CSGALNACT2: variants seen among roughly 807,000 people sequenced by gnomAD.
The protein encoded by CSGALNACT2 is chondroitin sulfate N-acetylgalactosaminyltransferase 2, also known as beta 4 GalNAcT-2.
A neutral mutation model predicts 55.3 loss-of-function variants in CSGALNACT2; 35 were observed. The ratio of observed to expected loss-of-function variants is 0.63; its 90% CI spans 0.48 to 0.84. The LOEUF is 0.84. Ranked by LOEUF, CSGALNACT2 falls within the 40% of genes least tolerant of loss-of-function variation. The pLI, the probability that CSGALNACT2 is intolerant of heterozygous loss-of-function variation, is 0.00. For synonymous variants in CSGALNACT2, 196 were observed against 224.9 expected (o/e 0.87, Z 1.15); for missense variants, 544 against 657.5 (o/e 0.83, Z 1.89).
In CSGALNACT2 at chr10:43,147,062, G is replaced by A. The variant is rs1434316691; in HGVS notation, c.-253-7835G>A. ...GGGATCTCGGCTCACTGCAAGCTCC[G>A]CCTCCCGGGTTCACGCCATTCTCCT... On this transcript the variant is annotated intron_variant, in intron 1 of 7. Transcript: ENST00000374466. Among the ~76,000 whole-genome samples, 7 of 119,096 alleles carry A rather than the reference G, an allele frequency of 5.9e-5. No individual in the cohort carries two copies. The East Asian group carries it at 1.2e-3, about 21-fold the overall frequency. The allele number at this position is 119,096 out of a possible 152,430, so 78.1% of individuals were successfully genotyped here.
At chr10:43,163,058 C>G (rs11238460) in intron 4 of CSGALNACT2, 2 of 985,178 alleles carry the variant, frequency 2.0e-6, no homozygotes, top group Admixed American at 6.1e-5. Flanking sequence ...TCTGATTTGT[C>G]TGATCCCTTT....
chr10:43,160,319 G>A (rs1046070492), intron 3 of CSGALNACT2, among the ~76,000 whole-genome samples, 175 bp from the exon 4 acceptor site: 3 of 152,208 alleles, frequency 2.0e-5, no homozygotes, highest in African/African-American at 7.2e-5. Flanking sequence ...TCCAAGGGGT[G>A]CACTCATTCA....
At chr10:43,162,201 T>C (rs759090588) in intron 4 of CSGALNACT2, 7 of 519,294 alleles carry the variant, frequency 1.3e-5, no homozygotes, top group Non-Finnish European at 2.3e-5. Flanking sequence ...CTGTTGCAGA[T>C]TGGCTTCTTC....
chr10:43,155,634 G>C lies in CSGALNACT2; in HGVS notation c.485G>C (p.Gly162Ala). ...TLMKVFQLEMGLTRHPEEKPV... is the reference protein window; with the variant it reads ...TLMKVFQLEMALTRHPEEKPV... ...ATGAAAGTATTTCAATTGGAAATGG[G>C]TCTCACTCGCCATCCTGAAGAAAAG... Residue 162 changes from glycine to alanine, a missense_variant, in exon 2 of 8, where the codon GGT (glycine) becomes GCT (alanine). By Grantham distance (60) the Gly-to-Ala change is moderately conservative (BLOSUM62 0). Around this residue, in one of 2 missense-constraint regions of CSGALNACT2, gnomAD observed 374 missense variants for 401.3 expected, o/e 0.93. Transcript: ENST00000374466. The C allele has an allele frequency of 1.2e-6, 2 of 1,614,164 alleles. No homozygotes were observed. The highest frequency in any genetic ancestry group is 1.7e-6 in the Non-Finnish European group (2 of 1,180,036).
Position 43,155,579 on chromosome 10 carries a change from G to C in CSGALNACT2, c.430G>C (p.Gly144Arg). 6.2e-7 allele frequency: 1 copy of C among 1,614,192 alleles called. No individual in the cohort carries two copies. The highest frequency in any genetic ancestry group is 8.5e-7 in the Non-Finnish European group (1 of 1,180,030). ...SIGAKLPSEY[G>R]VIPFESFTLM... is the part of the protein sequence containing the mutation. ...AGGGGCCAAACTACCCAGTGAGTAT[G>C]GGGTCATTCCCTTTGAAAGTTTTAC... is the stretch of plus-strand genomic sequence containing the variant. The change falls in exon 2 of 8, where the codon GGG becomes CGG. Residue 144 changes from glycine to arginine, a missense_variant. Gly to Arg is a moderately radical substitution (Grantham distance 125). Coordinates refer to ENST00000374466, the MANE Select transcript of CSGALNACT2 (RefSeq NM_018590.5).
chr10:43,157,917 T>C (rs1002573774), intron 2 of CSGALNACT2, among the ~76,000 whole-genome samples: 4 of 151,004 alleles, frequency 2.6e-5, no homozygotes, highest in Non-Finnish European at 4.4e-5. Context: ...TAGTCCCAGC[T>C]ACTTGGGAGG....
At chr10:43,174,287 A>G (rs138386283) in intron 6 of CSGALNACT2, among the ~76,000 whole-genome samples, 1 of 152,120 alleles carries the variant, frequency 6.6e-6, no homozygotes, top group Non-Finnish European at 1.5e-5. Flanking sequence ...TGCCTGGTTC[A>G]TTATGTGTTT....
Position 43,158,687 on chromosome 10 carries a change from C to T in CSGALNACT2, c.662-28C>T, listed in dbSNP as rs559512700. Reference sequence around the variant, plus strand: ...GAATTTGTAAACTTTGACATGGAGACGTCTTTGTTCCTAACTCTTTCCTTT... The same window carrying T: ...GAATTTGTAAACTTTGACATGGAGATGTCTTTGTTCCTAACTCTTTCCTTT... On this transcript the variant is annotated intron_variant, in intron 2 of 7. Coordinates refer to ENST00000374466, the MANE Select transcript of CSGALNACT2 (RefSeq NM_018590.5). The T allele has an allele frequency of 1.0e-5, 13 of 1,302,682 alleles. No homozygotes were observed. The Admixed American group carries it at 1.1e-4, about 11-fold the overall frequency. 80.7% of individuals were successfully genotyped at this position (1,302,682 alleles called of 1,614,324 possible).
chr10:43,145,984 A>C (rs973761382), intron 1 of CSGALNACT2, among the ~76,000 whole-genome samples: 5 of 152,202 alleles, frequency 3.3e-5, no homozygotes, highest in Non-Finnish European at 7.3e-5. Context: ...CCTGGACTAC[A>C]TAGCAAGACT....
chr10:43,155,775 A>C lies in CSGALNACT2; in HGVS notation c.626A>C (p.Glu209Ala). Residue 209 changes from glutamate to alanine, a missense_variant, in exon 2 of 8, where the codon GAG (glutamate) becomes GCG (alanine). By Grantham distance (107) the Glu-to-Ala change is moderately radical. Transcript: ENST00000374466. ...EQEDEEGPLGEKLIFNENDFV... is the reference protein window; with the variant it reads ...EQEDEEGPLGAKLIFNENDFV... ...GAAGATGAGGAGGGTCCCCTTGGAG[A>C]GAAACTGATATTTAATGAAAATGAC... 6.2e-7 allele frequency: 1 copy of C among 1,610,254 alleles called. No homozygotes were observed. Among genetic ancestry groups the C allele is most frequent in the Non-Finnish European group, 8.5e-7 (1 of 1,178,390 alleles).
chr10:43,172,654 C>T (rs954546218), intron 6 of CSGALNACT2, among the ~76,000 whole-genome samples: 4 of 152,212 alleles, frequency 2.6e-5, no homozygotes, highest in Non-Finnish European at 5.9e-5. Flanking sequence ...TGATGCCACG[C>T]ACTATCCACC....
chr10:43,144,111 T>C (rs997525436), intron 1 of CSGALNACT2, among the ~76,000 whole-genome samples: 4 of 152,232 alleles, frequency 2.6e-5, no homozygotes, highest in Non-Finnish European at 5.9e-5. Context: ...AAATTTAGTT[T>C]TTGAAAACCT....
At chr10:43,153,693 T>G (rs1322104780) in intron 1 of CSGALNACT2, among the ~76,000 whole-genome samples, 1 of 152,210 alleles carries the variant, frequency 6.6e-6, no homozygotes, top group Non-Finnish European at 1.5e-5. Context: ...ACAATGGAAG[T>G]TCTCTTTGCA....
chr10:43,164,686 A>C (rs549207405), intron 5 of CSGALNACT2, among the ~76,000 whole-genome samples: 1 of 151,702 alleles, frequency 6.6e-6, no homozygotes, highest in Non-Finnish European at 1.5e-5. Context: ...GTCTCTACTA[A>C]AAATACAAAA....
intron 1 of CSGALNACT2, among the ~76,000 whole-genome samples, chr10:43,150,579 TC>T (rs1838855442): frequency 6.6e-6 from 1 of 152,216 alleles, no homozygotes; most frequent in South Asian, 2.1e-4. Context: ...CAAAGAGTAA[TC>T]TGTCATTATT....
chr10:43,158,855 A>T lies in CSGALNACT2; in HGVS notation c.802A>T (p.Thr268Ser). 6.2e-7 allele frequency: 1 copy of T among 1,611,964 alleles called. No homozygotes were observed. Residue 268 changes from threonine to serine, a missense_variant, in exon 3 of 8, where the codon ACT becomes TCT. Transcript: ENST00000374466. ...MKVKSEMIDI[T>S]RSIINIIVPL... Reference sequence around the variant, plus strand: ...AGTGAAGAGTGAGATGATTGACATCACTAGATCAATTATTAATATCATTGT... The same window carrying T: ...AGTGAAGAGTGAGATGATTGACATCTCTAGATCAATTATTAATATCATTGT...
At chr10:43,169,344 A>G (rs1839339472) in intron 6 of CSGALNACT2, among the ~76,000 whole-genome samples, 1 of 152,270 alleles carries the variant, frequency 6.6e-6, no homozygotes, top group South Asian at 2.1e-4. Flanking sequence ...CCAAGTGTTA[A>G]TACACAGAAA....
chr10:43,157,959 A>T (rs1176057288), intron 2 of CSGALNACT2, among the ~76,000 whole-genome samples: 1 of 147,120 alleles, frequency 6.8e-6, no homozygotes. Context: ...AACCCGGGAG[A>T]TGGAGGTTGC....
intron 7 of CSGALNACT2, among the ~76,000 whole-genome samples, chr10:43,178,563 G>A (rs1839527722): frequency 6.7e-6 from 1 of 149,832 alleles, no homozygotes; most frequent in Non-Finnish European, 1.5e-5. Context: ...GGAGTTTGCA[G>A]TGAGCCGAGA....
Sources: allele counts gnomAD v4.1 joint callset (sites outside exome capture counted in the v4.1 genomes callset), GRCh38; gene constraint gnomAD v4.1.1; regional missense constraint gnomAD v4.1.1; transcripts MANE v1.5; gene names NCBI Gene and HGNC (gene_info 2026-07-23, HGNC 2026-07-21).